ABCB1: variants seen among roughly 807,000 people sequenced by gnomAD.
ABCB1 encodes ATP-dependent translocase ABCB1.
In ABCB1, 69 loss-of-function variants were observed where a neutral mutation model predicts 142.0. The ratio of observed to expected loss-of-function variants is 0.49; its 90% CI spans 0.40 to 0.59. The LOEUF (loss-of-function observed/expected upper bound fraction) is 0.59, where lower values mean the gene tolerates loss of function less well. ABCB1 is among the 20% of genes least tolerant of loss of function. The pLI, the probability that ABCB1 is intolerant of heterozygous loss-of-function variation, is 0.00. For missense variants in ABCB1, 1,326 were observed against 1,554.7 expected (o/e 0.85, Z 2.47); for synonymous variants, 532 against 539.2 (o/e 0.99, Z 0.18).
At chr7:87,506,243 TG>T in intron 26 of ABCB1, 200 bp from the exon 27 acceptor site, 1 of 588,342 alleles carries the variant, frequency 1.7e-6, no homozygotes, top group African/African-American at 1.9e-5. Flanking sequence ...AATAAATGTT[TG>T]GGCCTTAAGA....
chr7:87,655,979 A>G (rs1824061392), intron 1 of ABCB1, among the ~76,000 whole-genome samples: 1 of 152,110 alleles, frequency 6.6e-6, no homozygotes, highest in South Asian at 2.1e-4. Flanking sequence ...GTAGTGTTCA[A>G]GGTACCACCT....
At chr7:87,548,132 G>GAGGGAAGGGGAGGGAAGGGA (rs1816875440) in intron 14 of ABCB1, among the ~76,000 whole-genome samples, 1 of 86,348 alleles carries the variant, frequency 1.2e-5, no homozygotes, top group Admixed American at 1.2e-4. Context: ...GAGGGAAGGG[G>GAGGGAAGGGGAGGGAAGGGA]AGGGAAGGGA....
intron 7 of ABCB1, among the ~76,000 whole-genome samples, chr7:87,563,028 G>A (rs915272338): frequency 6.6e-6 from 1 of 152,264 alleles, no homozygotes; most frequent in East Asian, 1.9e-4. Flanking sequence ...AGAATATTAT[G>A]AATGCTTCTG....
upstream of ABCB1, among the ~76,000 whole-genome samples, chr7:87,604,670 G>A (rs1028565936): frequency 6.6e-6 from 1 of 152,028 alleles, no homozygotes. Context: ...CATTTTCAGA[G>A]GTCGTTTGTC....
intron 1 of ABCB1, among the ~76,000 whole-genome samples, chr7:87,634,177 C>T (rs970586995): frequency 3.9e-5 from 6 of 152,130 alleles, no homozygotes; most frequent in African/African-American, 1.4e-4. Flanking sequence ...AGTACCAAGC[C>T]ATTCATGAAG....
At chr7:87,639,041 A>G (rs1189142257) in intron 1 of ABCB1, among the ~76,000 whole-genome samples, 1 of 150,912 alleles carries the variant, frequency 6.6e-6, no homozygotes, top group Non-Finnish European at 1.5e-5. Context: ...AGTCCCAGCT[A>G]CTCCGGAGGC....
At chr7:87,573,114 C>T (rs950792104) in intron 4 of ABCB1, among the ~76,000 whole-genome samples, 1 of 152,148 alleles carries the variant, frequency 6.6e-6, no homozygotes, top group Non-Finnish European at 1.5e-5. Flanking sequence ...TTCCACATGG[C>T]TGGGGAGGCC....
At chr7:87,591,726 G>A (rs535380212) in intron 3 of ABCB1, among the ~76,000 whole-genome samples, 16 of 152,154 alleles carry the variant, frequency 1.1e-4, no homozygotes, top group African/African-American at 3.9e-4. Flanking sequence ...ATACTTCGAG[G>A]ATACCACCGA....
chr7:87,633,527 T>G (rs766185460), intron 1 of ABCB1, among the ~76,000 whole-genome samples: 2 of 152,232 alleles, frequency 1.3e-5, no homozygotes, highest in Non-Finnish European at 2.9e-5. Flanking sequence ...ATCCTTCTGT[T>G]TCTTCCTACC....
chr7:87,638,371 G>GTGTGTGTGTGTA (rs1554449115), intron 1 of ABCB1, among the ~76,000 whole-genome samples: 3 of 151,642 alleles, frequency 2.0e-5, no homozygotes, highest in Non-Finnish European at 4.4e-5. Context: ...GTGTGTGTGT[G>GTGTGTGTGTGTA]TGTGTGTGTT....
intron 27 of ABCB1, among the ~76,000 whole-genome samples, chr7:87,504,729 C>G (rs975426547): frequency 2.7e-5 from 4 of 150,080 alleles, no homozygotes; most frequent in African/African-American, 9.8e-5. Flanking sequence ...GGTGTGAACC[C>G]GGGAGGCAGA....
At chr7:87,624,395 G>A (rs574295044) in intron 1 of ABCB1, among the ~76,000 whole-genome samples, 127 of 152,224 alleles carry the variant, frequency 8.3e-4, no homozygotes, top group African/African-American at 3.0e-3. Flanking sequence ...GATCTCTCTG[G>A]TTTATAGCAC....
chr7:87,572,177 ATTT>A (rs1818083325), intron 4 of ABCB1, among the ~76,000 whole-genome samples: 1 of 152,084 alleles, frequency 6.6e-6, no homozygotes, highest in African/African-American at 2.4e-5. Context: ...TATCTTCTGT[ATTT>A]ACCAGGAAAT....
intron 21 of ABCB1, among the ~76,000 whole-genome samples, chr7:87,523,723 G>A (rs145383396): frequency 8.4e-4 from 128 of 152,276 alleles, no homozygotes; most frequent in Non-Finnish European, 1.5e-3. Flanking sequence ...TCTGGAGTCT[G>A]AGTAAAGGGA....
At chr7:87,659,695 TA>T (rs1462387841) in intron 1 of ABCB1, among the ~76,000 whole-genome samples, 1 of 152,132 alleles carries the variant, frequency 6.6e-6, no homozygotes, top group East Asian at 1.9e-4. Flanking sequence ...GTATAAGAGG[TA>T]AAAAGAAACC....
chr7:87,539,156 A>G, intron 19 of ABCB1, 112 bp downstream of exon 19: 1 of 1,153,126 alleles, frequency 8.7e-7, no homozygotes, highest in East Asian at 2.4e-5. Context: ...CTGAGGGACA[A>G]CCAATATAGG....
intron 3 of ABCB1, among the ~76,000 whole-genome samples, chr7:87,592,997 G>T (rs1041672978): frequency 2.1e-5 from 3 of 145,440 alleles, no homozygotes; most frequent in African/African-American, 7.7e-5. Flanking sequence ...GCACAATCTT[G>T]GCTCACTGCA....
At chr7:87,611,187 T>C (rs1236374137) in intron 1 of ABCB1, among the ~76,000 whole-genome samples, 1 of 152,170 alleles carries the variant, frequency 6.6e-6, no homozygotes, top group African/African-American at 2.4e-5. Flanking sequence ...TAATCTGTCT[T>C]CTGCTTACCT....
intron 3 of ABCB1, among the ~76,000 whole-genome samples, chr7:87,593,873 T>A (rs1339680125): frequency 6.6e-6 from 1 of 152,218 alleles, no homozygotes; most frequent in Admixed American, 6.5e-5. Flanking sequence ...CACTCGCCTT[T>A]TGCCATGGCT....
Sources: gnomAD v4.1 joint callset for allele counts (sites outside exome capture counted in the v4.1 genomes callset) on GRCh38, gnomAD v4.1.1 for gene constraint, MANE v1.5 for transcripts, NCBI Gene and HGNC (gene_info 2026-07-23, HGNC 2026-07-21) for gene names.